Variants in FRAS1 observed in about 807,000 individuals in gnomAD.
The protein encoded by FRAS1 is extracellular matrix organizing protein FRAS1.
In FRAS1, 290 loss-of-function variants were observed where a neutral mutation model predicts 435.2. The observed-to-expected ratio is 0.67, with a 90% CI of 0.61 to 0.73. The LOEUF (loss-of-function observed/expected upper bound fraction) is 0.73, where lower values mean the gene tolerates loss of function less well. Among genes scored for constraint, FRAS1 ranks in the 30% least tolerant of loss-of-function variants. The pLI, the probability that FRAS1 is intolerant of heterozygous loss-of-function variation, is 0.00. For synonymous variants in FRAS1, 1,800 were observed against 1,851.0 expected (o/e 0.97, Z 0.71); for missense variants, 4,860 against 5,001.5 (o/e 0.97, Z 0.85).
Position 78,464,072 on chromosome 4 carries a change from A to C in FRAS1, c.6815A>C (p.Gln2272Pro). ...GCTGATCTGACTTCACGAAATGTTC[A>C]GTATGTCCATTCTAGTGAGGCTGAG... The part of the protein sequence containing the change: ...TQADLTSRNV[Q>P]YVHSSEAEKH... Residue 2272 changes from glutamine (Q) to proline (P), a missense_variant, in exon 48 of 74, where the codon CAG becomes CCG. Transcript: ENST00000512123. The C allele has an allele frequency of 6.2e-7, 1 of 1,613,700 alleles. No homozygotes were observed. The highest frequency in any genetic ancestry group is 1.3e-5 in the African/African-American group (1 of 75,044).
At chr4:78,533,646 T>G (rs1721794149) in intron 70 of FRAS1, among the ~76,000 whole-genome samples, 1 of 152,254 alleles carries the variant, frequency 6.6e-6, no homozygotes, top group Non-Finnish European at 1.5e-5. Flanking sequence ...GGGAGAACAC[T>G]TAAGGTGCTG....
chr4:78,101,392 T>C (rs1412399696), intron 2 of FRAS1, among the ~76,000 whole-genome samples: 1 of 152,212 alleles, frequency 6.6e-6, no homozygotes, highest in Non-Finnish European at 1.5e-5. Context: ...GGAATTGTTT[T>C]GATGATAAAA....
At chr4:78,506,754 G>A (rs1220354128) in intron 61 of FRAS1, among the ~76,000 whole-genome samples, 4 of 77,294 alleles carry the variant, frequency 5.2e-5, no homozygotes, top group African/African-American at 2.2e-4. Context: ...TCCATGGGCT[G>A]CACCAATGTC....
chr4:78,401,944 A>C (rs952881472), intron 30 of FRAS1, among the ~76,000 whole-genome samples: 2 of 151,944 alleles, frequency 1.3e-5, no homozygotes, highest in Non-Finnish European at 2.9e-5. Context: ...GATTCTCAGA[A>C]GAAACCAATG....
rs79205247 is a variant in FRAS1, at chr4:78,527,857, A to G, written c.10925+1200A>G. ...CTTGTATGCTGGTGGGAATAATCCAATCGAGGGGAAAGTTGATGATGCAGG... is the reference window on the plus strand; with the variant it reads ...CTTGTATGCTGGTGGGAATAATCCAGTCGAGGGGAAAGTTGATGATGCAGG... On this transcript the variant is annotated intron_variant, in intron 70 of 73. Coordinates refer to ENST00000512123, the MANE Select transcript of FRAS1 (RefSeq NM_025074.7). 6.9e-3 allele frequency among the ~76,000 whole-genome samples: 1,056 copies of G among 152,268 alleles called. 7 individuals carry two copies. Among genetic ancestry groups the G allele is most frequent in the Non-Finnish European group, 0.012 (784 of 68,002 alleles).
chr4:78,270,884 T>A (rs1452080835), intron 9 of FRAS1, among the ~76,000 whole-genome samples: 1 of 152,192 alleles, frequency 6.6e-6, no homozygotes, highest in Admixed American at 6.5e-5. Flanking sequence ...TATTGGCCTC[T>A]GACTGACATG....
Position 78,379,736 on chromosome 4 carries a change from C to T in FRAS1, c.3303C>T (p.His1101=). 6.2e-7 allele frequency: 1 copy of T among 1,607,664 alleles called. No individual in the cohort carries two copies. The highest frequency in any genetic ancestry group is 8.5e-7 in the Non-Finnish European group (1 of 1,178,230). The change falls in exon 27 of 74, where the codon CAC becomes CAT. Residue 1101 remains histidine, a synonymous_variant. Coordinates refer to ENST00000512123, the MANE Select transcript of FRAS1 (RefSeq NM_025074.7). Reference sequence around the variant, plus strand: ...TCATATGTTTTTCAGGCAAAATACACACCCCTAGTCTTCATGTGAATGGTT... The same window carrying T: ...TCATATGTTTTTCAGGCAAAATACATACCCCTAGTCTTCATGTGAATGGTT... ...TSNETCSGKI[H]TPSLHVNGSL...
chr4:78,234,701 G>C (rs972573575), intron 2 of FRAS1, among the ~76,000 whole-genome samples: 4 of 152,216 alleles, frequency 2.6e-5, no homozygotes, highest in Non-Finnish European at 4.4e-5. Context: ...CAGACACTGG[G>C]AATGTAATCT....
In FRAS1 at chr4:78,511,588, A is replaced by G. The variant is rs1034018888; in HGVS notation, c.10013+82A>G. On this transcript the variant is annotated intron_variant, in intron 64 of 73. Coordinates refer to ENST00000512123, the MANE Select transcript of FRAS1 (RefSeq NM_025074.7). ...TTGTGTGTTTCCCAGGACAATCAAT[A>G]AGGGATGCTTCTGCATGATAAAAAT... 5 of 1,014,150 alleles carry G rather than the reference A, an allele frequency of 4.9e-6. No individual in the cohort carries two copies. The African/African-American group carries it at 8.0e-5, about 16-fold the overall frequency. The allele number at this position is 1,014,150 out of a possible 1,614,324, so 62.8% of individuals were successfully genotyped here.
intron 18 of FRAS1, among the ~76,000 whole-genome samples, chr4:78,328,744 T>A (rs1386143617): frequency 2.6e-5 from 4 of 152,184 alleles, no homozygotes; most frequent in African/African-American, 9.6e-5. Context: ...GCAGTAATTT[T>A]AAAAAATGAC....
chr4:78,355,434 A>G (rs2008485), intron 20 of FRAS1, among the ~76,000 whole-genome samples: 68,395 of 151,976 alleles, frequency 0.45, 16,774 homozygotes, highest in Non-Finnish European at 0.55. Flanking sequence ...AATAGTGACA[A>G]ACAAGAATTT....
intron 43 of FRAS1, among the ~76,000 whole-genome samples, 199 bp from the exon 44 acceptor site, chr4:78,447,854 T>A (rs990379269): frequency 2.0e-5 from 3 of 152,160 alleles, no homozygotes; most frequent in African/African-American, 7.2e-5. Context: ...TGGGACTTTG[T>A]CTTCTTTATT....
rs145115632 is a variant in FRAS1, at chr4:78,375,964, T to C, written c.3292+85T>C. On this transcript the variant is annotated intron_variant, in intron 26 of 73. Coordinates refer to ENST00000512123, the MANE Select transcript of FRAS1 (RefSeq NM_025074.7). ...TGAGTTTGCAGACATAATTGACTTA[T>C]GTGATATAAAATGCAGCATTCCCAA... 8.7e-4 allele frequency: 1,273 copies of C among 1,471,606 alleles called. 9 individuals carry two copies. The Middle Eastern group carries it at 0.014, about 16-fold the overall frequency. 91.2% of individuals were successfully genotyped at this position (1,471,606 alleles called of 1,614,324 possible).
intron 20 of FRAS1, among the ~76,000 whole-genome samples, chr4:78,360,640 G>T (rs1305050068): frequency 1.3e-5 from 2 of 152,180 alleles, no homozygotes; most frequent in Non-Finnish European, 2.9e-5. Context: ...ATGTAGATGA[G>T]ATCACCTGGG....
chr4:78,074,079 G>A (rs1740506478), intron 2 of FRAS1, among the ~76,000 whole-genome samples: 1 of 147,174 alleles, frequency 6.8e-6, no homozygotes, highest in Non-Finnish European at 1.5e-5. Flanking sequence ...GTCGTGACCT[G>A]TGAGTTCTTT....
intron 27 of FRAS1, among the ~76,000 whole-genome samples, chr4:78,381,165 G>A (rs907109029): frequency 1.3e-5 from 2 of 152,142 alleles, no homozygotes; most frequent in Non-Finnish European, 2.9e-5. Flanking sequence ...AGGAACAATA[G>A]GCATGCTTCC....
intron 9 of FRAS1, among the ~76,000 whole-genome samples, chr4:78,268,608 A>G (rs1164939020): frequency 2.0e-5 from 3 of 152,210 alleles, no homozygotes; most frequent in Non-Finnish European, 1.5e-5. Context: ...CCTAGAATTT[A>G]TGAAAAAATG....
intron 2 of FRAS1, among the ~76,000 whole-genome samples, chr4:78,081,862 T>C (rs1300418265): frequency 3.9e-5 from 6 of 152,154 alleles, no homozygotes; most frequent in Non-Finnish European, 8.8e-5. Context: ...GTTTGTTTTT[T>C]GGCATTCTCC....
At chr4:78,480,026 G>A (rs1719964701) in intron 56 of FRAS1, among the ~76,000 whole-genome samples, 1 of 152,060 alleles carries the variant, frequency 6.6e-6, no homozygotes, top group South Asian at 2.1e-4. Context: ...AATCACATCA[G>A]GATAAATGGG....
Sources: gnomAD v4.1 joint callset for allele counts (sites outside exome capture counted in the v4.1 genomes callset) on GRCh38, gnomAD v4.1.1 for gene constraint, MANE v1.5 for transcripts, NCBI Gene and HGNC (gene_info 2026-07-23, HGNC 2026-07-21) for gene names.